The following CENPP variants were observed in gnomAD, a reference collection of about 807,000 sequenced individuals.
CENPP encodes centromere protein P.
Under a neutral mutation model 35.6 loss-of-function variants are expected in CENPP, and 24 were observed. The observed-to-expected ratio is 0.67, with a 90% CI of 0.49 to 0.95. CENPP has a LOEUF of 0.95. Ranked by LOEUF, CENPP falls within the 40% of genes least tolerant of loss-of-function variation. The pLI, the probability that CENPP is intolerant of heterozygous loss-of-function variation, is 0.00. For synonymous variants in CENPP, 120 were observed against 125.5 expected (o/e 0.96, Z 0.29); for missense variants, 332 against 345.3 (o/e 0.96, Z 0.31).
At chr9:92,447,049 G>A (rs1209551177) in intron 5 of CENPP, among the ~76,000 whole-genome samples, 1 of 152,098 alleles carries the variant, frequency 6.6e-6, no homozygotes, top group Non-Finnish European at 1.5e-5. Flanking sequence ...TGAGTTGCTT[G>A]CATGATTCAG....
intron 4 of CENPP, among the ~76,000 whole-genome samples, chr9:92,366,650 G>GAA (rs1311158594): frequency 2.0e-5 from 3 of 152,052 alleles, no homozygotes; most frequent in Non-Finnish European, 4.4e-5. Flanking sequence ...ATAAAACACA[G>GAA]AAAAGTATAA....
At chr9:92,430,145 T>A (rs1036183644) in intron 5 of CENPP, among the ~76,000 whole-genome samples, 1 of 152,176 alleles carries the variant, frequency 6.6e-6, no homozygotes, top group African/African-American at 2.4e-5. Flanking sequence ...TGGATTAAAA[T>A]GGTATCTTAT....
At chr9:92,376,644 G>T (rs1176957909) in intron 4 of CENPP, among the ~76,000 whole-genome samples, 1 of 152,198 alleles carries the variant, frequency 6.6e-6, no homozygotes, top group Non-Finnish European at 1.5e-5. Flanking sequence ...AGGATGTGAA[G>T]AAGCTGGCCG....
chr9:92,373,036 C>G (rs991140690), intron 4 of CENPP, among the ~76,000 whole-genome samples: 1 of 151,976 alleles, frequency 6.6e-6, no homozygotes, highest in Non-Finnish European at 1.5e-5. Context: ...AATAAGTTTC[C>G]TAATCCTTTC....
chr9:92,551,262 T>C (rs1275619318), intron 5 of CENPP, among the ~76,000 whole-genome samples: 1 of 152,130 alleles, frequency 6.6e-6, no homozygotes, highest in Non-Finnish European at 1.5e-5. Flanking sequence ...GTGAGAAATA[T>C]ATAGTACTGT....
chr9:92,448,125 C>T (rs1280470617), intron 5 of CENPP, among the ~76,000 whole-genome samples: 1 of 152,022 alleles, frequency 6.6e-6, no homozygotes, highest in Non-Finnish European at 1.5e-5. Context: ...TTGTAACCAC[C>T]CAAGGGTTTC....
At chr9:92,377,185 G>C (rs560425883) in intron 4 of CENPP, among the ~76,000 whole-genome samples, 1 of 152,206 alleles carries the variant, frequency 6.6e-6, no homozygotes, top group African/African-American at 2.4e-5. Context: ...GCTGCTCTTT[G>C]TTAGAAAAGA....
At chr9:92,337,187 G>A (rs1174477652) in intron 2 of CENPP, among the ~76,000 whole-genome samples, 2 of 151,238 alleles carry the variant, frequency 1.3e-5, no homozygotes, top group Non-Finnish European at 3.0e-5. Context: ...GCATGGTGGT[G>A]CACACCTGTA....
At chr9:92,341,323 A>G (rs1459727582) in intron 3 of CENPP, among the ~76,000 whole-genome samples, 2 of 151,942 alleles carry the variant, frequency 1.3e-5, no homozygotes, top group Non-Finnish European at 2.9e-5. Context: ...GTGATATTCT[A>G]TTACCCTGTT....
intron 5 of CENPP, among the ~76,000 whole-genome samples, chr9:92,584,772 A>G (rs1339784365): frequency 1.3e-5 from 2 of 151,788 alleles, no homozygotes; most frequent in Non-Finnish European, 2.9e-5. Flanking sequence ...AAATTTCCCT[A>G]TTTTTCCTTT....
At chr9:92,556,939 C>T (rs1588273107) in intron 5 of CENPP, among the ~76,000 whole-genome samples, 1 of 152,122 alleles carries the variant, frequency 6.6e-6, no homozygotes, top group East Asian at 1.9e-4. Flanking sequence ...GTGATTTATG[C>T]TTTAAAGAGG....
At chr9:92,435,189 T>C (rs7848472) in intron 5 of CENPP, among the ~76,000 whole-genome samples, 17,271 of 152,230 alleles carry the variant, frequency 0.11, 1,041 homozygotes, top group Middle Eastern at 0.15. Flanking sequence ...GATGTTTGTC[T>C]TTATCACCCT....
intron 5 of CENPP, chr9:92,417,722 A>AT: frequency 1.9e-6 from 1 of 515,018 alleles, no homozygotes; most frequent in Non-Finnish European, 3.2e-6. Flanking sequence ...TCAAACCAAA[A>AT]TTTTTTTCTT....
At chr9:92,374,773 C>T (rs968497067) in intron 4 of CENPP, among the ~76,000 whole-genome samples, 2 of 152,128 alleles carry the variant, frequency 1.3e-5, no homozygotes, top group Admixed American at 6.5e-5. Flanking sequence ...TCATTATTTA[C>T]CTATGTAACC....
rs1006013914 is a variant in CENPP at position 92,614,316 on chromosome 9, T to TCAAGA, written c.*1170_*1174dup. 2.0e-5 allele frequency: 3 copies of TCAAGA among 152,430 alleles called. No individual in the cohort carries two copies. The highest frequency in any genetic ancestry group is 7.2e-5 in the African/African-American group (3 of 41,386). The allele number at this position is 152,430 out of a possible 1,614,324, so 9.4% of individuals were successfully genotyped here. A position where few individuals can be genotyped will look rare whatever the true frequency, so the allele number is the denominator to read the frequency against. ...CCCAGCAACAGTGAACTCCCTTGGG[T>TCAAGA]CAAGACAGTACTCAACGGCCACTAC... On this transcript the variant is annotated 3_prime_UTR_variant, in exon 8 of 8. Coordinates refer to ENST00000375587, the MANE Select transcript of CENPP (RefSeq NM_001012267.3).
At chr9:92,375,190 T>C (rs182752099) in intron 4 of CENPP, among the ~76,000 whole-genome samples, 1 of 152,342 alleles carries the variant, frequency 6.6e-6, no homozygotes, top group East Asian at 1.9e-4. Flanking sequence ...TAGTACTTTT[T>C]TGGGTGTCCC....
At position 92,556,079 on chromosome 9, in the gene CENPP, G is replaced by C. The variant is rs142800074; in HGVS notation, c.565-55235G>C. 8.6e-3 allele frequency among the ~76,000 whole-genome samples: 1,312 copies of C among 152,130 alleles called. 9 individuals are homozygous for C. The highest frequency in any genetic ancestry group is 0.014 in the Non-Finnish European group (963 of 67,994). ...TTTGCTATATCCCAGAGGTTTGATAGGTTGTGTCATTATTGTCATCTGGTT... is the reference window on the plus strand; with the variant it reads ...TTTGCTATATCCCAGAGGTTTGATACGTTGTGTCATTATTGTCATCTGGTT... On this transcript the variant is annotated intron_variant, in intron 5 of 7. Transcript: ENST00000375587.
chr9:92,611,494 C>G, intron 6 of CENPP, 101 bp downstream of exon 6: 5 of 896,662 alleles, frequency 5.6e-6, no homozygotes, highest in Non-Finnish European at 8.5e-6. Context: ...ACTACCTAAC[C>G]AAGAACTAAA....
chr9:92,603,191 A>C (rs1302803614), intron 5 of CENPP, among the ~76,000 whole-genome samples: 1 of 152,200 alleles, frequency 6.6e-6, no homozygotes, highest in Non-Finnish European at 1.5e-5. Flanking sequence ...GGTGGGACAA[A>C]GGCCCCTTGT....
Sources: allele counts gnomAD v4.1 joint callset (sites outside exome capture counted in the v4.1 genomes callset), GRCh38; gene constraint gnomAD v4.1.1; transcripts MANE v1.5; gene names NCBI Gene and HGNC (gene_info 2026-07-23, HGNC 2026-07-21).